CA10: variants seen among roughly 807,000 people sequenced by gnomAD.
CA10 encodes the protein carbonic anhydrase 10 (inactive).
A neutral mutation model predicts 44.2 loss-of-function variants in CA10; 14 were observed. That is an observed-to-expected ratio of 0.32 (90% CI 0.21 to 0.50). The LOEUF is 0.50. Ranked by LOEUF, CA10 falls within the 20% of genes least tolerant of loss-of-function variation. The pLI is 0.99. For missense variants in CA10, 350 were observed against 409.7 expected, an observed-to-expected ratio of 0.85 and a Z score of 1.26; for synonymous variants, 159 against 141.6, an observed-to-expected ratio of 1.12 and a Z score of -0.87.
intron 4 of CA10, among the ~76,000 whole-genome samples, chr17:51,654,061 C>T (rs3764798): frequency 0.13 from 19,306 of 152,220 alleles, 1,619 homozygotes; most frequent in Non-Finnish European, 0.18. Flanking sequence ...TTATTAGGAA[C>T]GGAACTGCCC....
chr17:51,733,163 T>G (rs1370729078), intron 4 of CA10, among the ~76,000 whole-genome samples: 1 of 152,210 alleles, frequency 6.6e-6, no homozygotes, highest in Non-Finnish European at 1.5e-5. Flanking sequence ...AGCCCTAAGG[T>G]AGCACAGTTC....
intron 2 of CA10, among the ~76,000 whole-genome samples, chr17:51,953,151 G>C (rs531507786): frequency 6.6e-6 from 1 of 152,092 alleles, no homozygotes; most frequent in Non-Finnish European, 1.5e-5. Flanking sequence ...GTCTGTTCTA[G>C]TACCAGTTTG....
At chr17:51,823,637 C>A (rs1380676750) in intron 3 of CA10, among the ~76,000 whole-genome samples, 1 of 152,186 alleles carries the variant, frequency 6.6e-6, no homozygotes, top group Non-Finnish European at 1.5e-5. Context: ...GCTCCCACAG[C>A]TGAACCAGTG....
chr17:52,137,990 C>T (rs1042172125), intron 1 of CA10, among the ~76,000 whole-genome samples: 2 of 152,180 alleles, frequency 1.3e-5, no homozygotes, highest in African/African-American at 4.8e-5. Context: ...TAACAAATTA[C>T]TACACATTTA....
intron 6 of CA10, among the ~76,000 whole-genome samples, chr17:51,640,391 A>G (rs145978555): frequency 1.3e-5 from 2 of 152,202 alleles, no homozygotes; most frequent in Non-Finnish European, 2.9e-5. Flanking sequence ...TCACACCCTA[A>G]GACATCAGGG....
At chr17:51,704,681 C>T (rs971635835) in intron 4 of CA10, among the ~76,000 whole-genome samples, 1 of 152,186 alleles carries the variant, frequency 6.6e-6, no homozygotes, top group African/African-American at 2.4e-5. Context: ...AAATCTATCA[C>T]AGCTGGGTGT....
At chr17:52,005,910 G>C (rs982421205) in intron 2 of CA10, among the ~76,000 whole-genome samples, 1 of 151,778 alleles carries the variant, frequency 6.6e-6, no homozygotes, top group African/African-American at 2.4e-5. Flanking sequence ...AGAAAGGTGA[G>C]GGTGAGCTGA....
Position 51,859,039 on chromosome 17 carries a change from TGTTA to T in CA10, c.279+71947_279+71950del, listed in dbSNP as rs369967132. Among the ~76,000 whole-genome samples, 198 of 151,850 alleles carry T rather than the reference TGTTA, an allele frequency of 1.3e-3. 1 individual carries two copies. The highest frequency in any genetic ancestry group is 4.3e-3 in the Admixed American group (64 of 15,036). Reference sequence around the variant, plus strand: ...TACAAAGCATCTAGTAAGTGCCCAATGTTAGTTAATTATTAATTAATTGTTAGTT... The same window carrying T: ...TACAAAGCATCTAGTAAGTGCCCAATGTTAATTATTAATTAATTGTTAGTT... On this transcript the variant is annotated intron_variant, in intron 3 of 8. Coordinates refer to ENST00000451037, the MANE Select transcript of CA10 (RefSeq NM_020178.5).
At position 52,081,243 on chromosome 17, in the gene CA10, CACTT is replaced by C. The variant is rs747870778; in HGVS notation, c.62-8854_62-8851del. On this transcript the variant is annotated intron_variant, in intron 1 of 8. Transcript: ENST00000451037. ...ACAGTGATGGTCTCTGAAATTATGACACTTAATCAGAGATTTAAATAAAAATAAT... is the reference window on the plus strand; with the variant it reads ...ACAGTGATGGTCTCTGAAATTATGACAATCAGAGATTTAAATAAAAATAAT... Among the ~76,000 whole-genome samples the C allele has an allele frequency of 3.9e-4, 59 of 152,276 alleles. 1 individual carries two copies. The highest frequency in any genetic ancestry group is 3.3e-3 in the Admixed American group (50 of 15,294).
chr17:51,942,443 T>C (rs1363388370), intron 2 of CA10, among the ~76,000 whole-genome samples: 1 of 151,872 alleles, frequency 6.6e-6, no homozygotes, highest in Non-Finnish European at 1.5e-5. Flanking sequence ...TGATATAGTG[T>C]CTTGACCAAC....
intron 3 of CA10, among the ~76,000 whole-genome samples, chr17:51,775,049 AG>A (rs1226161068): frequency 1.3e-5 from 2 of 152,060 alleles, no homozygotes; most frequent in African/African-American, 4.8e-5. Context: ...ACTCATGACA[AG>A]GGACTGTTCC....
At chr17:51,786,152 A>G (rs1294547566) in intron 3 of CA10, among the ~76,000 whole-genome samples, 3 of 151,624 alleles carry the variant, frequency 2.0e-5, no homozygotes, top group African/African-American at 7.3e-5. Flanking sequence ...TGATTTTTGT[A>G]TGTTGATTTT....
At chr17:52,156,108 T>G (rs1376837170) in intron 1 of CA10, among the ~76,000 whole-genome samples, 1 of 152,186 alleles carries the variant, frequency 6.6e-6, no homozygotes, top group Non-Finnish European at 1.5e-5. Context: ...TCAGATGGCT[T>G]GTCTGATTTG....
chr17:51,863,519 C>A (rs1979409082), intron 3 of CA10, among the ~76,000 whole-genome samples: 1 of 152,178 alleles, frequency 6.6e-6, no homozygotes, highest in Admixed American at 6.5e-5. Context: ...ACTTGAAGAA[C>A]CACCTGGAGT....
intron 3 of CA10, among the ~76,000 whole-genome samples, chr17:51,892,103 G>T (rs2143911810): frequency 6.6e-6 from 1 of 152,284 alleles, no homozygotes. Flanking sequence ...GATTAATTTG[G>T]CTGTAATGCA....
chr17:52,011,117 T>C (rs1985781279), intron 2 of CA10, among the ~76,000 whole-genome samples: 1 of 151,996 alleles, frequency 6.6e-6, no homozygotes, highest in Non-Finnish European at 1.5e-5. Context: ...AATTGTATTG[T>C]GGATTTGAAG....
intron 4 of CA10, among the ~76,000 whole-genome samples, chr17:51,701,784 G>T (rs1298680562): frequency 1.3e-5 from 2 of 152,150 alleles, no homozygotes; most frequent in African/African-American, 4.8e-5. Context: ...AAACTTTCTA[G>T]CTTGCATTCA....
chr17:51,773,586 G>A (rs1215901801), intron 3 of CA10, among the ~76,000 whole-genome samples: 1 of 152,220 alleles, frequency 6.6e-6, no homozygotes, highest in Admixed American at 6.5e-5. Context: ...CTTATAATCA[G>A]TGTGACCACG....
intron 3 of CA10, among the ~76,000 whole-genome samples, chr17:51,872,272 G>C (rs1400112854): frequency 1.3e-5 from 2 of 152,134 alleles, no homozygotes; most frequent in African/African-American, 4.8e-5. Context: ...CTTAGTCATA[G>C]TGTTTTTTCA....
Sources: gnomAD v4.1 joint callset for allele counts (sites outside exome capture counted in the v4.1 genomes callset) on GRCh38, gnomAD v4.1.1 for gene constraint, MANE v1.5 for transcripts, NCBI Gene and HGNC (gene_info 2026-07-23, HGNC 2026-07-21) for gene names.